The following SAMD12 variants were observed in gnomAD, a reference collection of about 807,000 sequenced individuals.
SAMD12 encodes sterile alpha motif domain-containing protein 12.
SAMD12 carries 9 observed loss-of-function variants against 15.0 expected under a neutral mutation model. The observed-to-expected ratio is 0.60, with a 90% CI of 0.36 to 1.05. SAMD12 has a LOEUF of 1.05. Among genes scored for constraint, SAMD12 ranks in the 50% least tolerant of loss-of-function variants. The pLI is 0.01. For missense variants in SAMD12, 230 were observed against 234.2 expected, an observed-to-expected ratio of 0.98 and a Z score of 0.12; for synonymous variants, 86 against 90.1, an observed-to-expected ratio of 0.96 and a Z score of 0.25.
downstream of SAMD12, among the ~76,000 whole-genome samples, chr8:118,376,552 T>G (rs1819396955): frequency 1.3e-5 from 2 of 152,198 alleles, no homozygotes; most frequent in African/African-American, 4.8e-5. Flanking sequence ...GAGAGAAATT[T>G]TTGTTGTTTA....
chr8:118,151,671 A>G, the SAMD12 span, among the ~76,000 whole-genome samples: 1 of 151,884 alleles, frequency 6.6e-6, no homozygotes, highest in East Asian at 1.9e-4. Context: ...TACTAAAAAT[A>G]CAAAAAAAAT....
At chr8:118,525,952 A>T (rs1825526159) in intron 2 of SAMD12, among the ~76,000 whole-genome samples, 1 of 152,136 alleles carries the variant, frequency 6.6e-6, no homozygotes. Context: ...AAAGTTCATA[A>T]ATTAGAAGTT....
At chr8:118,508,028 C>A (rs1824970845) in intron 2 of SAMD12, among the ~76,000 whole-genome samples, 1 of 127,598 alleles carries the variant, frequency 7.8e-6, no homozygotes. Context: ...GGGTCTCGCT[C>A]TGTCAACCAT....
chr8:118,217,602 T>A (rs1367273002), intron 4 of SAMD12, among the ~76,000 whole-genome samples: 2 of 152,198 alleles, frequency 1.3e-5, no homozygotes, highest in Non-Finnish European at 2.9e-5. Flanking sequence ...GAGTGATTGC[T>A]ATTGCATGGA....
At chr8:118,401,628 G>A (rs1439163947) in intron 3 of SAMD12, among the ~76,000 whole-genome samples, 2 of 148,334 alleles carry the variant, frequency 1.3e-5, no homozygotes, top group Non-Finnish European at 3.0e-5. Context: ...TCTCACCTCT[G>A]CCTCCCAAAA....
At chr8:118,156,359 G>A in the SAMD12 span, among the ~76,000 whole-genome samples, 2 of 152,188 alleles carry the variant, frequency 1.3e-5, no homozygotes, top group Admixed American at 6.5e-5. Context: ...GGATCCAAAT[G>A]TCTTGCAGCC....
chr8:118,417,503 T>G (rs536557910), intron 3 of SAMD12, among the ~76,000 whole-genome samples: 2 of 152,314 alleles, frequency 1.3e-5, no homozygotes, highest in East Asian at 3.9e-4. Flanking sequence ...AGTAAATTAA[T>G]GAACACTAAT....
At chr8:118,499,175 C>A (rs1252576556) in intron 2 of SAMD12, among the ~76,000 whole-genome samples, 1 of 152,152 alleles carries the variant, frequency 6.6e-6, no homozygotes, top group Non-Finnish European at 1.5e-5. Context: ...CTAACATGGG[C>A]TTCCATAATG....
chr8:118,588,024 G>A (rs973502268), intron 1 of SAMD12, among the ~76,000 whole-genome samples: 8 of 152,110 alleles, frequency 5.3e-5, no homozygotes, highest in African/African-American at 1.9e-4. Context: ...ATATACCTTA[G>A]GAATATACCT....
Position 118,497,743 on chromosome 8 carries a change from G to GAA in SAMD12, c.193-57784_193-57783dup, listed in dbSNP as rs57075448. Among the ~76,000 whole-genome samples the GAA allele has an allele frequency of 1.2e-3, 137 of 115,096 alleles. 1 individual carries two copies. Among genetic ancestry groups the GAA allele is most frequent in the Non-Finnish European group, 1.7e-3 (104 of 59,534 alleles). 75.5% of individuals were successfully genotyped at this position (115,096 alleles called of 152,430 possible). A position where few individuals can be genotyped will look rare whatever the true frequency, so the allele number is the denominator to read the frequency against. ...AGTTGCGGGGGGGGGTGGGGGGAAA[G>GAA]AAAAAAAAAAAAGAACAGCATTTGA... On this transcript the variant is annotated intron_variant, in intron 2 of 3. Coordinates refer to ENST00000314727, the MANE Select transcript of SAMD12 (RefSeq NM_207506.3).
At chr8:118,163,917 A>AC in the SAMD12 span, among the ~76,000 whole-genome samples, 10 of 137,618 alleles carry the variant, frequency 7.3e-5, no homozygotes, top group Admixed American at 2.2e-4. Context: ...ACAAAACAAA[A>AC]AAACAAACCT....
At chr8:118,332,204 C>T (rs1279621090) in intron 4 of SAMD12, among the ~76,000 whole-genome samples, 1 of 152,182 alleles carries the variant, frequency 6.6e-6, no homozygotes, top group African/African-American at 2.4e-5. Context: ...AAGTGTATAA[C>T]ACCAAAATAT....
chr8:118,194,413 A>G (rs1819498481), exon 5 of SAMD12: 1 of 152,168 alleles, frequency 6.6e-6, no homozygotes, highest in Non-Finnish European at 1.5e-5. Flanking sequence ...GTACGTCTCA[A>G]ACTATTGAAG....
the SAMD12 span, among the ~76,000 whole-genome samples, chr8:118,156,684 A>C: frequency 1.3e-5 from 2 of 152,190 alleles, no homozygotes; most frequent in African/African-American, 4.8e-5. Flanking sequence ...CATTCATGAT[A>C]ATACAAGGGC....
the SAMD12 span, among the ~76,000 whole-genome samples, chr8:118,165,635 T>TACATATATATGTGTATATATATATATAC: frequency 8.5e-5 from 11 of 129,430 alleles, no homozygotes; most frequent in South Asian, 5.1e-4. Context: ...TATATATATA[T>TACATATATATGTGTATATATATATATAC]ACATATATAT....
At chr8:118,247,525 T>C (rs1015794760) in intron 4 of SAMD12, among the ~76,000 whole-genome samples, 2 of 152,132 alleles carry the variant, frequency 1.3e-5, no homozygotes, top group Admixed American at 6.5e-5. Context: ...CACATTGTAT[T>C]ACATAAATAT....
chr8:118,472,900 C>T (rs1823842805), intron 2 of SAMD12, among the ~76,000 whole-genome samples: 1 of 146,390 alleles, frequency 6.8e-6, no homozygotes, highest in African/African-American at 2.5e-5. Flanking sequence ...AAAAAAAAGG[C>T]TTAAAATTGT....
intron 4 of SAMD12, among the ~76,000 whole-genome samples, chr8:118,318,506 G>A (rs1229446891): frequency 6.6e-6 from 1 of 151,810 alleles, no homozygotes; most frequent in East Asian, 1.9e-4. Context: ...TTGTAAGTGG[G>A]AGCTAAGCTA....
At chr8:118,589,402 G>T (rs551642107) in intron 1 of SAMD12, among the ~76,000 whole-genome samples, 6 of 152,330 alleles carry the variant, frequency 3.9e-5, no homozygotes, top group African/African-American at 1.4e-4. Context: ...TGTAAAAACA[G>T]TTCGCTATAA....
Sources: gnomAD v4.1 joint callset for allele counts (sites outside exome capture counted in the v4.1 genomes callset) on GRCh38, gnomAD v4.1.1 for gene constraint, MANE v1.5 for transcripts, NCBI Gene and HGNC (gene_info 2026-07-23, HGNC 2026-07-21) for gene names.